MEIS1: variants seen among roughly 807,000 people sequenced by gnomAD.
MEIS1 encodes the protein homeobox protein Meis1.
A neutral mutation model predicts 50.8 loss-of-function variants in MEIS1; 5 were observed. The observed-to-expected ratio is 0.10, with a 90% CI of 0.05 to 0.21. MEIS1 has a LOEUF of 0.21. MEIS1 is among the 10% of genes least tolerant of loss of function. MEIS1 has a pLI of 1.00. For synonymous variants in MEIS1, 176 were observed against 179.3 expected (o/e 0.98, Z 0.15); for missense variants, 318 against 517.3 (o/e 0.61, Z 3.74).
chr2:66,555,916 G>A (rs1458550306), intron 9 of MEIS1, among the ~76,000 whole-genome samples: 1 of 152,178 alleles, frequency 6.6e-6, no homozygotes, highest in African/African-American at 2.4e-5. Flanking sequence ...GGGGAAGGAA[G>A]TGTTTCCGAG....
At chr2:66,561,651 A>C (rs1675215583) in intron 9 of MEIS1, among the ~76,000 whole-genome samples, 1 of 152,222 alleles carries the variant, frequency 6.6e-6, no homozygotes, top group Admixed American at 6.5e-5. Flanking sequence ...TAGGTATAGA[A>C]GGCATTGCCA....
chr2:66,566,021 C>T (rs1393930336), intron 9 of MEIS1, among the ~76,000 whole-genome samples: 1 of 152,062 alleles, frequency 6.6e-6, no homozygotes, highest in African/African-American at 2.4e-5. Flanking sequence ...TTCCAGTTTT[C>T]ATGGTTTATA....
intron 8 of MEIS1, among the ~76,000 whole-genome samples, chr2:66,519,209 C>T (rs577407774): frequency 3.3e-5 from 5 of 152,162 alleles, no homozygotes; most frequent in Non-Finnish European, 7.3e-5. Context: ...GACCACGTTG[C>T]AATGGTCTGT....
At chr2:66,547,863 G>C (rs1429351364) in intron 8 of MEIS1, 80 bp from the exon 9 acceptor site, 1 of 1,352,444 alleles carries the variant, frequency 7.4e-7, no homozygotes, top group Non-Finnish European at 1.1e-6. Flanking sequence ...TTTAATTATA[G>C]ACTTCATGAG....
intron 2 of MEIS1, chr2:66,439,492 G>T: frequency 6.9e-7 from 1 of 1,440,468 alleles, no homozygotes; most frequent in Non-Finnish European, 9.1e-7. Flanking sequence ...TCCTGGATGT[G>T]CAGTGGAGGG....
In MEIS1 at chr2:66,441,520, G is replaced by T. The variant is rs935310735; in HGVS notation, c.483+56G>T. On this transcript the variant is annotated intron_variant, in intron 5 of 12. Transcript: ENST00000272369. ...TACCCCTTACCCCCAAACACACAGG[G>T]GGGAGGGTTCCGAATGGCTGAAGTT... is the stretch of plus-strand genomic sequence containing the variant. 8 of 1,408,972 alleles carry T rather than the reference G, an allele frequency of 5.7e-6. No individual in the cohort carries two copies. In the African/African-American group the frequency reaches 1.0e-4, roughly 18 times the overall value. 87.3% of individuals were successfully genotyped at this position (1,408,972 alleles called of 1,614,324 possible).
chr2:66,496,594 CCTT>C (rs543607368), intron 7 of MEIS1, among the ~76,000 whole-genome samples: 97 of 152,266 alleles, frequency 6.4e-4, no homozygotes, highest in African/African-American at 2.2e-3. Flanking sequence ...TTTGCTTTGT[CCTT>C]CTTTATGTCC....
chr2:66,483,996 G>A (rs1169946918), intron 7 of MEIS1, among the ~76,000 whole-genome samples: 1 of 152,140 alleles, frequency 6.6e-6, no homozygotes, highest in Non-Finnish European at 1.5e-5. Flanking sequence ...GTACATCAAT[G>A]TTACTGGTAA....
chr2:66,464,250 T>C (rs1451960839), intron 7 of MEIS1, 30 bp downstream of exon 7: 3 of 1,511,792 alleles, frequency 2.0e-6, no homozygotes, highest in South Asian at 2.4e-5. Context: ...CTTTTGCTAC[T>C]TGTTTCATTT....
chr2:66,547,675 T>C (rs1163920466), intron 8 of MEIS1, among the ~76,000 whole-genome samples: 1 of 152,196 alleles, frequency 6.6e-6, no homozygotes, highest in Non-Finnish European at 1.5e-5. Flanking sequence ...TACTAAACTT[T>C]CTGTGTTTGC....
intron 6 of MEIS1, among the ~76,000 whole-genome samples, chr2:66,458,301 G>A (rs1672441265): frequency 6.6e-6 from 1 of 152,120 alleles, no homozygotes; most frequent in Admixed American, 6.5e-5. Flanking sequence ...GATGAGGTGG[G>A]GAGGAACAAA....
At chr2:66,554,239 C>T (rs1282791568) in intron 9 of MEIS1, among the ~76,000 whole-genome samples, 1 of 152,160 alleles carries the variant, frequency 6.6e-6, no homozygotes, top group African/African-American at 2.4e-5. Flanking sequence ...CCAGTGACAA[C>T]GGAGGTTGAC....
Position 66,553,490 on chromosome 2 carries a change from C to T in MEIS1, c.965+5471C>T, listed in dbSNP as rs575367796. Among the ~76,000 whole-genome samples, 10 of 152,256 alleles carry T rather than the reference C, an allele frequency of 6.6e-5. No homozygotes were observed. The East Asian group carries it at 1.9e-3, about 29-fold the overall frequency. On this transcript the variant is annotated intron_variant, in intron 9 of 12. Coordinates refer to ENST00000272369, the MANE Select transcript of MEIS1 (RefSeq NM_002398.3). The stretch of plus-strand genomic sequence containing the variant: ...CACTAGATAAAATACTGTCTAGTTG[C>T]TCATAAGAAAATATTGAAATCAGTC...
At chr2:66,548,845 T>C (rs961143181) in intron 9 of MEIS1, among the ~76,000 whole-genome samples, 1 of 152,224 alleles carries the variant, frequency 6.6e-6, no homozygotes, top group Non-Finnish European at 1.5e-5. Flanking sequence ...GGGGAAACCT[T>C]ATCCTCTTTG....
At position 66,467,623 on chromosome 2, in the gene MEIS1, G is replaced by A. The variant is rs74262596; in HGVS notation, c.742+3403G>A. On this transcript the variant is annotated intron_variant, in intron 7 of 12. Coordinates refer to ENST00000272369, the MANE Select transcript of MEIS1 (RefSeq NM_002398.3). ...GGAAAAGAAAAAAAAAAATCCAATC[G>A]TGGGCATTCTAAAGAGAATGTACAT... Among the ~76,000 whole-genome samples, 18 of 151,988 alleles carry A rather than the reference G, an allele frequency of 1.2e-4. No homozygotes were observed. The East Asian group carries it at 1.9e-3, about 16-fold the overall frequency.
At chr2:66,490,963 A>G (rs1673257295) in intron 7 of MEIS1, among the ~76,000 whole-genome samples, 1 of 152,182 alleles carries the variant, frequency 6.6e-6, no homozygotes, top group Non-Finnish European at 1.5e-5. Flanking sequence ...ATTGTTTGCC[A>G]CTGAGTGCTT....
At chr2:66,499,367 T>C (rs2103825381) in intron 7 of MEIS1, among the ~76,000 whole-genome samples, 1 of 151,790 alleles carries the variant, frequency 6.6e-6, no homozygotes, top group South Asian at 2.1e-4. Flanking sequence ...ATAGCATCTC[T>C]TTTTTTCCCC....
intron 8 of MEIS1, among the ~76,000 whole-genome samples, chr2:66,536,589 C>T (rs1372736791): frequency 6.6e-6 from 1 of 152,086 alleles, no homozygotes; most frequent in Non-Finnish European, 1.5e-5. Flanking sequence ...TCTTCTCTGA[C>T]TCTTGAAAAT....
intron 8 of MEIS1, among the ~76,000 whole-genome samples, chr2:66,547,258 T>C (rs1199094358): frequency 6.6e-6 from 1 of 152,244 alleles, no homozygotes; most frequent in Non-Finnish European, 1.5e-5. Flanking sequence ...TACTTTTATC[T>C]ACTATGACTC....
Sources: gnomAD v4.1 joint callset for allele counts (sites outside exome capture counted in the v4.1 genomes callset) on GRCh38, gnomAD v4.1.1 for gene constraint, MANE v1.5 for transcripts, NCBI Gene and HGNC (gene_info 2026-07-23, HGNC 2026-07-21) for gene names.